TRHDE: variants seen among roughly 807,000 people sequenced by gnomAD.
TRHDE encodes the protein thyrotropin releasing hormone degrading enzyme, also known as thyrotropin-releasing hormone-degrading ectoenzyme.
A neutral mutation model predicts 125.7 loss-of-function variants in TRHDE; 72 were observed. That is an observed-to-expected ratio of 0.57 (90% CI 0.47 to 0.70). The LOEUF is 0.70. Ranked by LOEUF, TRHDE falls within the 30% of genes least tolerant of loss-of-function variation. TRHDE has a pLI of 0.00. For missense variants in TRHDE, 1,110 were observed against 1,327.1 expected, an observed-to-expected ratio of 0.84 and a Z score of 2.54; for synonymous variants, 509 against 509.1, an observed-to-expected ratio of 1.00 and a Z score of 0.00.
chr12:72,484,302 T>G (rs890061714), intron 5 of TRHDE, among the ~76,000 whole-genome samples: 1 of 152,166 alleles, frequency 6.6e-6, no homozygotes, highest in South Asian at 2.1e-4. Context: ...AAATTTAGCA[T>G]GCAGGAAAAT....
intron 3 of TRHDE, among the ~76,000 whole-genome samples, chr12:72,399,375 AC>A (rs1872940348): frequency 6.6e-6 from 1 of 152,156 alleles, no homozygotes; most frequent in African/African-American, 2.4e-5. Context: ...GAAAGTACTA[AC>A]CATTTTATCC....
intron 2 of TRHDE, among the ~76,000 whole-genome samples, chr12:72,154,115 T>C (rs1876442064): frequency 6.6e-6 from 1 of 152,220 alleles, no homozygotes; most frequent in South Asian, 2.1e-4. Flanking sequence ...GATAGTTAGC[T>C]CTTCTTGTTG....
At chr12:72,290,597 G>A (rs1880050830) in intron 2 of TRHDE, among the ~76,000 whole-genome samples, 1 of 152,222 alleles carries the variant, frequency 6.6e-6, no homozygotes, top group South Asian at 2.1e-4. Flanking sequence ...CCTCAGATGG[G>A]AAAGCAGGAT....
intron 2 of TRHDE, among the ~76,000 whole-genome samples, chr12:72,346,378 A>G (rs2135735549): frequency 6.6e-6 from 1 of 152,162 alleles, no homozygotes; most frequent in African/African-American, 2.4e-5. Flanking sequence ...GCATCCAGCC[A>G]AGATGGTGGA....
At chr12:72,325,992 A>G (rs528674188) in intron 2 of TRHDE, among the ~76,000 whole-genome samples, 1 of 152,296 alleles carries the variant, frequency 6.6e-6, no homozygotes, top group African/African-American at 2.4e-5. Flanking sequence ...ACTCAAAACA[A>G]TGATCAATTC....
chr12:72,328,231 G>A (rs180891915), intron 2 of TRHDE, among the ~76,000 whole-genome samples: 5 of 152,154 alleles, frequency 3.3e-5, no homozygotes, highest in African/African-American at 9.6e-5. Context: ...TTCTATAAAG[G>A]TTCCCCTTGA....
upstream of TRHDE, chr12:72,272,214 C>T (rs1879246869): frequency 2.4e-6 from 1 of 420,778 alleles, no homozygotes; most frequent in Non-Finnish European, 4.8e-6. The surrounding 1 kb of genome is among the most constrained non-coding windows in gnomAD (Gnocchi z 6.7). Context: ...TACACCCTCG[C>T]TCTTCCCACC....
Position 72,454,195 on chromosome 12 carries a change from TA to T in TRHDE, c.1316-15555del, listed in dbSNP as rs544773218. 5.7e-4 allele frequency among the ~76,000 whole-genome samples: 87 copies of T among 151,962 alleles called. No individual in the cohort carries two copies. The Middle Eastern group carries it at 0.01, about 18-fold the overall frequency. On this transcript the variant is annotated intron_variant, in intron 3 of 18. Transcript: ENST00000261180. ...GCTTGTTGATAAATTTGTTTTTTTT[TA>T]AAAAAAATATGTAATCAACTCTTTG...
intron 2 of TRHDE, among the ~76,000 whole-genome samples, chr12:72,185,113 T>C (rs1347623501): frequency 1.3e-5 from 2 of 152,148 alleles, no homozygotes; most frequent in Non-Finnish European, 2.9e-5. Flanking sequence ...GGGCGTGGGC[T>C]TGGCGGGCCC....
chr12:72,288,273 A>G (rs980738429), intron 2 of TRHDE, among the ~76,000 whole-genome samples: 86 of 152,302 alleles, frequency 5.6e-4, no homozygotes, highest in Middle Eastern at 3.4e-3. Flanking sequence ...TAAATTTTGA[A>G]AAATAGTTTT....
chr12:72,240,353 G>T (rs894463671), intron 2 of TRHDE, among the ~76,000 whole-genome samples: 1 of 147,776 alleles, frequency 6.8e-6, no homozygotes. Context: ...ATATATTTGT[G>T]TATATATATA....
At chr12:72,354,226 A>G (rs1440621478) in intron 2 of TRHDE, among the ~76,000 whole-genome samples, 1 of 151,700 alleles carries the variant, frequency 6.6e-6, no homozygotes, top group Admixed American at 6.6e-5. Context: ...TCTAAAATAC[A>G]CACAAAATGC....
chr12:72,514,885 G>A (rs1053729598), intron 6 of TRHDE, among the ~76,000 whole-genome samples: 1 of 145,918 alleles, frequency 6.9e-6, no homozygotes. Context: ...AGAATATGTG[G>A]TGTTTGGTTT....
intron 2 of TRHDE, among the ~76,000 whole-genome samples, chr12:72,370,359 T>C (rs543906406): frequency 5.9e-5 from 9 of 152,176 alleles, no homozygotes; most frequent in Non-Finnish European, 1.3e-4. Context: ...CTTTTATTTG[T>C]TTCTGTTTCC....
At chr12:72,400,094 C>G (rs1024810170) in intron 3 of TRHDE, among the ~76,000 whole-genome samples, 1 of 151,782 alleles carries the variant, frequency 6.6e-6, no homozygotes, top group African/African-American at 2.4e-5. Flanking sequence ...GGTGTCAAGC[C>G]TTTTGAGTAA....
At chr12:72,236,741 T>A (rs1416718753) in intron 2 of TRHDE, among the ~76,000 whole-genome samples, 2 of 152,178 alleles carry the variant, frequency 1.3e-5, no homozygotes, top group Non-Finnish European at 2.9e-5. Flanking sequence ...TTAGATCAAT[T>A]TATAGTACTT....
intron 1 of TRHDE, among the ~76,000 whole-genome samples, chr12:72,284,058 A>ACC (rs1041328424): frequency 5.9e-5 from 9 of 152,056 alleles, no homozygotes; most frequent in African/African-American, 2.2e-4. Context: ...ATGTTACAAA[A>ACC]CCCAAAACTT....
chr12:72,487,999 A>C (rs559635840), intron 5 of TRHDE, among the ~76,000 whole-genome samples: 1 of 150,814 alleles, frequency 6.6e-6, no homozygotes, highest in Admixed American at 6.6e-5. Flanking sequence ...ACCACAAAAC[A>C]AAAAAAAATT....
At chr12:72,448,615 C>T (rs994738632) in intron 3 of TRHDE, among the ~76,000 whole-genome samples, 4 of 151,818 alleles carry the variant, frequency 2.6e-5, no homozygotes, top group South Asian at 4.2e-4. Flanking sequence ...AAGTTGTGTC[C>T]GTTATGTATT....
Sources: allele counts gnomAD v4.1 joint callset (sites outside exome capture counted in the v4.1 genomes callset), GRCh38; gene constraint gnomAD v4.1.1; non-coding constraint Gnocchi (gnomAD v3.1); transcripts MANE v1.5; gene names NCBI Gene and HGNC (gene_info 2026-07-23, HGNC 2026-07-21).